Variants in CDKAL1 observed in about 807,000 individuals in gnomAD.
The protein encoded by CDKAL1 is CDKAL1 threonylcarbamoyladenosine tRNA methylthiotransferase.
A neutral mutation model predicts 68.2 loss-of-function variants in CDKAL1; 32 were observed. That is an observed-to-expected ratio of 0.47 (90% CI 0.35 to 0.63). The LOEUF (loss-of-function observed/expected upper bound fraction) is 0.63, where lower values mean the gene tolerates loss of function less well. CDKAL1 is among the 30% of genes least tolerant of loss of function. The probability of loss-of-function intolerance (pLI) is 0.00; values close to 1 mark genes in which losing one functional copy is unlikely to be tolerated. For synonymous variants in CDKAL1, 234 were observed against 244.3 expected (o/e 0.96, Z 0.39); for missense variants, 606 against 696.7 (o/e 0.87, Z 1.47).
At chr6:20,838,381 G>T (rs145326884) in intron 8 of CDKAL1, among the ~76,000 whole-genome samples, 203 of 152,120 alleles carry the variant, frequency 1.3e-3, no homozygotes, top group African/African-American at 4.7e-3. Context: ...AGGTGTCTAT[G>T]TCACAAACAT....
chr6:20,763,774 G>C (rs1437908719), intron 7 of CDKAL1, among the ~76,000 whole-genome samples: 1 of 152,102 alleles, frequency 6.6e-6, no homozygotes. Context: ...AACCATAAAA[G>C]CTTGTTTTCA....
chr6:21,061,528 G>GTTC lies in CDKAL1; in HGVS notation c.1056-3520_1056-3519insTTC, dbSNP rs1311666304. Among the ~76,000 whole-genome samples, 8 of 152,018 alleles carry GTTC rather than the reference G, an allele frequency of 5.3e-5. No homozygotes were observed. The East Asian group carries it at 1.4e-3, about 26-fold the overall frequency. On this transcript the variant is annotated intron_variant, in intron 11 of 15. Coordinates refer to ENST00000274695, the MANE Select transcript of CDKAL1 (RefSeq NM_017774.3). ...GAAAATTCATGTCATCTCAAAAATA[G>GTTC]CTTTTACCCAGAATTAGCATCTTAA... is the stretch of plus-strand genomic sequence containing the variant.
intron 12 of CDKAL1, among the ~76,000 whole-genome samples, chr6:21,067,630 A>T (rs151024778): frequency 6.6e-6 from 1 of 152,136 alleles, no homozygotes; most frequent in South Asian, 2.1e-4. Context: ...AAATCCCAAT[A>T]TTAGTATTGC....
At chr6:21,227,596 A>G (rs940309290) in intron 15 of CDKAL1, among the ~76,000 whole-genome samples, 1 of 152,260 alleles carries the variant, frequency 6.6e-6, no homozygotes, top group Admixed American at 6.5e-5. Context: ...GAGAGTGGCA[A>G]ATCTTGTGGC....
intron 11 of CDKAL1, among the ~76,000 whole-genome samples, chr6:21,033,802 G>A (rs114498440): frequency 0.014 from 2,176 of 152,234 alleles, 49 homozygotes; most frequent in African/African-American, 0.05. Flanking sequence ...TTTCTCAAAT[G>A]AACAGTTAAG....
At chr6:20,672,228 TTTTCTTTCTCTTTCTTTCTTTCTTTC>T (rs1471263862) in intron 5 of CDKAL1, among the ~76,000 whole-genome samples, 1,865 of 125,060 alleles carry the variant, frequency 0.015, 20 homozygotes, top group Non-Finnish European at 0.023. Flanking sequence ...CCTTTCTTTC[TTTTCTTTCTCTTTCTTTCTTTCTTTC>T]TTTCTTTCTT....
chr6:20,708,124 C>T (rs188788695), intron 5 of CDKAL1, among the ~76,000 whole-genome samples: 238 of 152,158 alleles, frequency 1.6e-3, no homozygotes, highest in African/African-American at 5.4e-3. Flanking sequence ...TTTACTTTAC[C>T]TTTTTACTTG....
intron 8 of CDKAL1, among the ~76,000 whole-genome samples, chr6:20,813,825 G>T (rs4710953): frequency 0.96 from 146,017 of 152,302 alleles, 70,006 homozygotes; most frequent in East Asian, 1. Flanking sequence ...AGTTTCACAC[G>T]GAGTTGATAA....
intron 6 of CDKAL1, among the ~76,000 whole-genome samples, chr6:20,747,240 A>T (rs1773701747): frequency 6.6e-6 from 1 of 152,236 alleles, no homozygotes; most frequent in African/African-American, 2.4e-5. Flanking sequence ...TCATTCATCC[A>T]TCGATGGATA....
chr6:20,578,738 CAT>C (rs1377657422), intron 4 of CDKAL1, among the ~76,000 whole-genome samples: 1 of 152,174 alleles, frequency 6.6e-6, no homozygotes, highest in Non-Finnish European at 1.5e-5. Context: ...CTACGGCAGA[CAT>C]GTTCGGTGAA....
intron 13 of CDKAL1, among the ~76,000 whole-genome samples, chr6:21,184,582 C>T (rs1382175931): frequency 1.3e-5 from 2 of 152,146 alleles, no homozygotes; most frequent in African/African-American, 4.8e-5. Context: ...TAACTGTATA[C>T]TATCATGTGC....
At chr6:21,008,543 C>G (rs1173543615) in intron 11 of CDKAL1, among the ~76,000 whole-genome samples, 1 of 152,138 alleles carries the variant, frequency 6.6e-6, no homozygotes, top group Non-Finnish European at 1.5e-5. Flanking sequence ...GCTGGGGGCT[C>G]TGGAGAATAT....
intron 15 of CDKAL1, among the ~76,000 whole-genome samples, chr6:21,220,076 C>T (rs1319334532): frequency 1.3e-5 from 2 of 152,160 alleles, no homozygotes; most frequent in East Asian, 1.9e-4. Flanking sequence ...TGCTTATCTC[C>T]AGCCACTAAT....
At chr6:20,919,804 T>C (rs1019976863) in intron 9 of CDKAL1, among the ~76,000 whole-genome samples, 2 of 152,170 alleles carry the variant, frequency 1.3e-5, no homozygotes, top group African/African-American at 2.4e-5. Context: ...CCTCCCACAA[T>C]AGAACTCAGA....
intron 9 of CDKAL1, among the ~76,000 whole-genome samples, chr6:20,944,176 T>C (rs1020866395): frequency 6.6e-6 from 1 of 152,270 alleles, no homozygotes; most frequent in African/African-American, 2.4e-5. Flanking sequence ...GATAGTAATA[T>C]GGGAACTCAT....
intron 4 of CDKAL1, among the ~76,000 whole-genome samples, chr6:20,623,303 A>G (rs1767280250): frequency 6.6e-6 from 1 of 152,090 alleles, no homozygotes; most frequent in Admixed American, 6.6e-5. Flanking sequence ...TAATCAGTAT[A>G]AAAGCCAACT....
intron 11 of CDKAL1, among the ~76,000 whole-genome samples, chr6:21,003,685 T>G (rs190925153): frequency 5.3e-5 from 8 of 152,306 alleles, no homozygotes; most frequent in Admixed American, 1.3e-4. Flanking sequence ...AGTGCTCATT[T>G]TGGAAACACC....
intron 4 of CDKAL1, among the ~76,000 whole-genome samples, chr6:20,637,722 T>G (rs1366167543): frequency 6.6e-6 from 1 of 152,196 alleles, no homozygotes; most frequent in Non-Finnish European, 1.5e-5. Context: ...TCTTTCCCAT[T>G]AACTCTTTTT....
chr6:20,874,354 G>GAT (rs1301488943), intron 9 of CDKAL1, among the ~76,000 whole-genome samples: 1 of 151,902 alleles, frequency 6.6e-6, no homozygotes, highest in African/African-American at 2.4e-5. Flanking sequence ...CAGGCTGGAT[G>GAT]ATAGAGTGGT....
Sources: gnomAD v4.1 joint callset for allele counts (sites outside exome capture counted in the v4.1 genomes callset) on GRCh38, gnomAD v4.1.1 for gene constraint, MANE v1.5 for transcripts, NCBI Gene and HGNC (gene_info 2026-07-23, HGNC 2026-07-21) for gene names.